The following CCDC69 variants were observed in gnomAD, a reference collection of about 807,000 sequenced individuals.
CCDC69 encodes the protein coiled-coil domain containing 69, also known as coiled-coil domain-containing protein 69.
A neutral mutation model predicts 40.3 loss-of-function variants in CCDC69; 38 were observed. The ratio of observed to expected loss-of-function variants is 0.94; its 90% CI spans 0.73 to 1.24. The LOEUF (loss-of-function observed/expected upper bound fraction) is 1.24, where lower values mean the gene tolerates loss of function less well. Among genes scored for constraint, CCDC69 ranks in the 50% most tolerant of loss-of-function variants. The pLI is 0.00. For synonymous variants in CCDC69, 141 were observed against 138.9 expected, an observed-to-expected ratio of 1.02 and a Z score of -0.11; for missense variants, 389 against 357.9, an observed-to-expected ratio of 1.09 and a Z score of -0.70.
At chr5:151,194,624 G>T (rs1047393935) in intron 4 of CCDC69, among the ~76,000 whole-genome samples, 1 of 152,160 alleles carries the variant, frequency 6.6e-6, no homozygotes, top group African/African-American at 2.4e-5. Flanking sequence ...GCAGGGCGCG[G>T]TGGCTTACAC....
rs1752480061 is a variant in CCDC69 at position 151,185,369 on chromosome 5, C to T, written c.615+53G>A. 10 of 1,602,986 alleles carry T rather than the reference C, an allele frequency of 6.2e-6. No homozygotes were observed. In the East Asian group the frequency reaches 2.2e-4, roughly 36 times the overall value. The stretch of plus-strand genomic sequence containing the variant: ...CTCTGCATGCTTTACAAAGGAAACA[C>T]CCAGAAAGCGGGAGCCTGAGGCTGC... On this transcript the variant is annotated intron_variant, in intron 7 of 8. Coordinates refer to ENST00000355417, the MANE Select transcript of CCDC69 (RefSeq NM_015621.3).
At chr5:151,198,852 C>A (rs757357553) in intron 4 of CCDC69, 145 bp downstream of exon 4, 21 of 688,412 alleles carry the variant, frequency 3.1e-5, no homozygotes, top group Non-Finnish European at 5.0e-5. Context: ...CCCTCTAGGG[C>A]CAAGGATCCT....
intron 2 of CCDC69, among the ~76,000 whole-genome samples, chr5:151,203,877 T>C: frequency 7.1e-6 from 1 of 141,826 alleles, no homozygotes; most frequent in East Asian, 2.0e-4. Context: ...ATATATATCG[T>C]ATATATAGTA....
rs572090480 is a variant in CCDC69 at position 151,200,816 on chromosome 5, G to A, written c.231+766C>T. Among the ~76,000 whole-genome samples, 19 of 152,102 alleles carry A rather than the reference G, an allele frequency of 1.2e-4. No homozygotes were observed. In the South Asian group the frequency reaches 1.9e-3, roughly 15 times the overall value. On this transcript the variant is annotated intron_variant, in intron 3 of 8. Coordinates refer to ENST00000355417, the MANE Select transcript of CCDC69 (RefSeq NM_015621.3). Reference sequence around the variant, plus strand: ...ATTTCTGGGTAATTTTAAAGCCTCCGTGTCATCCCTTTAGAGAAGCCTTCT... The same window carrying A: ...ATTTCTGGGTAATTTTAAAGCCTCCATGTCATCCCTTTAGAGAAGCCTTCT...
At chr5:151,193,787 T>G (rs527332978) in intron 4 of CCDC69, among the ~76,000 whole-genome samples, 1 of 152,292 alleles carries the variant, frequency 6.6e-6, no homozygotes, top group East Asian at 1.9e-4. Context: ...TGAAAGACAT[T>G]ATTAACAGAA....
At chr5:151,217,510 G>C (rs1466390608) in intron 1 of CCDC69, among the ~76,000 whole-genome samples, 1 of 152,216 alleles carries the variant, frequency 6.6e-6, no homozygotes, top group African/African-American at 2.4e-5. Flanking sequence ...GAAAACAACA[G>C]AAATGTATTC....
chr5:151,221,961 TA>T (rs1405543282), intron 1 of CCDC69, among the ~76,000 whole-genome samples: 2 of 152,214 alleles, frequency 1.3e-5, no homozygotes, highest in Non-Finnish European at 2.9e-5. Context: ...AAACAGCCCA[TA>T]AATCTTGCCA....
chr5:151,190,333 A>C (rs1752590700), intron 4 of CCDC69, among the ~76,000 whole-genome samples: 1 of 152,240 alleles, frequency 6.6e-6, no homozygotes, highest in Admixed American at 6.5e-5. Context: ...AGGAACCTAC[A>C]TGACGGTAAG....
At chr5:151,191,015 A>G (rs1369072327) in intron 4 of CCDC69, among the ~76,000 whole-genome samples, 1 of 152,088 alleles carries the variant, frequency 6.6e-6, no homozygotes, top group East Asian at 1.9e-4. Flanking sequence ...GGGATCATTC[A>G]TACCCCAAAC....
Position 151,182,892 on chromosome 5 carries a change from C to G in CCDC69, c.*545G>C, listed in dbSNP as rs1766663978. 2.7e-6 allele frequency: 1 copy of G among 370,836 alleles called. No individual in the cohort carries two copies. The highest frequency in any genetic ancestry group is 2.1e-5 in the African/African-American group (1 of 47,276). The allele number at this position is 370,836 out of a possible 1,614,324, so 23.0% of individuals were successfully genotyped here. On this transcript the variant is annotated 3_prime_UTR_variant, in exon 9 of 9. Coordinates refer to ENST00000355417, the MANE Select transcript of CCDC69 (RefSeq NM_015621.3). ...CTGATTTGCGGGGTTTGTCCACACTCCCCCCAACCCCTACTCTGGCCTTCA... is the reference window on the plus strand; with the variant it reads ...CTGATTTGCGGGGTTTGTCCACACTGCCCCCAACCCCTACTCTGGCCTTCA...
At chr5:151,221,980 G>T (rs1270688002) in intron 1 of CCDC69, among the ~76,000 whole-genome samples, 1 of 152,254 alleles carries the variant, frequency 6.6e-6, no homozygotes, top group Non-Finnish European at 1.5e-5. Context: ...CCATATAGGG[G>T]CAGGGGCCTG....
At chr5:151,215,651 G>C (rs1753026486) in intron 1 of CCDC69, 1 of 409,006 alleles carries the variant, frequency 2.4e-6, no homozygotes, top group South Asian at 1.7e-5. Context: ...TCAGCAGACA[G>C]TGTAAGGGTG....
rs142494560 is a variant in CCDC69 at position 151,188,273 on chromosome 5, T to C, written c.320-814A>G. 9.9e-5 allele frequency among the ~76,000 whole-genome samples: 15 copies of C among 152,168 alleles called. No individual in the cohort carries two copies. The East Asian group carries it at 2.1e-3, about 22-fold the overall frequency. On this transcript the variant is annotated intron_variant, in intron 4 of 8. Transcript: ENST00000355417. ...GAACAGAGGAGACAGGAAAGTATAA[T>C]ACAGCCAAAGAGCCAGGTATCTGGC...
chr5:151,223,869 G>GATTCCGC, intron 1 of CCDC69, 54 bp downstream of exon 1: 1 of 1,556,932 alleles, frequency 6.4e-7, no homozygotes, highest in Non-Finnish European at 8.7e-7. Context: ...GCGGCGGAGC[G>GATTCCGC]ATTCCGCACT....
chr5:151,207,155 T>A (rs1752864181), intron 1 of CCDC69, among the ~76,000 whole-genome samples: 1 of 152,112 alleles, frequency 6.6e-6, no homozygotes, highest in Admixed American at 6.5e-5. Flanking sequence ...TGGCCTCAAG[T>A]GATCTGCCCA....
chr5:151,207,355 A>T (rs1053539960), intron 1 of CCDC69, among the ~76,000 whole-genome samples: 2 of 151,828 alleles, frequency 1.3e-5, no homozygotes, highest in African/African-American at 4.8e-5. Flanking sequence ...GCAGTGGCGC[A>T]ATCTCAGCTC....
chr5:151,223,117 T>G (rs551372483), intron 1 of CCDC69, among the ~76,000 whole-genome samples: 149 of 152,278 alleles, frequency 9.8e-4, no homozygotes, highest in African/African-American at 3.5e-3. Flanking sequence ...CAGTGTCCCC[T>G]GAGGAGGCTA....
Position 151,217,226 on chromosome 5 carries a change from C to T in CCDC69, c.48+6697G>A, listed in dbSNP as rs143078191. On this transcript the variant is annotated intron_variant, in intron 1 of 8. Coordinates refer to ENST00000355417, the MANE Select transcript of CCDC69 (RefSeq NM_015621.3). The stretch of plus-strand genomic sequence containing the variant: ...TCAATAAAAAATATAAAGAAGTAGG[C>T]CCCATTCTTGACTCCCAGTCCAGTG... 3.9e-5 allele frequency among the ~76,000 whole-genome samples: 6 copies of T among 152,192 alleles called. No homozygotes were observed. In the East Asian group the frequency reaches 9.6e-4, roughly 24 times the overall value.
intron 3 of CCDC69, among the ~76,000 whole-genome samples, chr5:151,201,171 T>G (rs1752770508): frequency 6.6e-6 from 1 of 152,220 alleles, no homozygotes; most frequent in South Asian, 2.1e-4. Context: ...GTCACTTAGC[T>G]AGACAGAAAG....
Sources: allele counts gnomAD v4.1 joint callset (sites outside exome capture counted in the v4.1 genomes callset), GRCh38; gene constraint gnomAD v4.1.1; transcripts MANE v1.5; gene names NCBI Gene and HGNC (gene_info 2026-07-23, HGNC 2026-07-21).